ARL6: variants seen among roughly 807,000 people sequenced by gnomAD.
ARL6 encodes the protein ARF like GTPase 6.
Under a neutral mutation model 27.1 loss-of-function variants are expected in ARL6, and 18 were observed. The ratio of observed to expected loss-of-function variants is 0.66; its 90% CI spans 0.46 to 0.98. ARL6 has a LOEUF of 0.98. Ranked by LOEUF, ARL6 falls within the 50% of genes least tolerant of loss-of-function variation. The pLI is 0.00. For missense variants in ARL6, 187 were observed against 214.9 expected, an observed-to-expected ratio of 0.87 and a Z score of 0.81; for synonymous variants, 65 against 72.3, an observed-to-expected ratio of 0.90 and a Z score of 0.51.
In ARL6 at chr3:97,795,136, T is replaced by A. The variant is rs571658402; in HGVS notation, c.536-2888T>A. 2.6e-5 allele frequency among the ~76,000 whole-genome samples: 4 copies of A among 152,288 alleles called. No individual in the cohort carries two copies. In the East Asian group the frequency reaches 7.7e-4, roughly 29 times the overall value. On this transcript the variant is annotated intron_variant, in intron 7 of 7. Coordinates refer to ENST00000463745, the MANE Select transcript of ARL6 (RefSeq NM_001278293.3). ...TTTTGGTGAAATATTAAATGGCACATGTAATGGCACGATTCTGTTGTCTTT... is the reference window on the plus strand; with the variant it reads ...TTTTGGTGAAATATTAAATGGCACAAGTAATGGCACGATTCTGTTGTCTTT...
At chr3:97,785,445 AGTTTGTGTGT>A (rs1413274504) in intron 5 of ARL6, among the ~76,000 whole-genome samples, 1 of 114,500 alleles carries the variant, frequency 8.7e-6, no homozygotes, top group East Asian at 3.5e-4. Flanking sequence ...TGTGTATCTG[AGTTTGTGTGT>A]GTTTAATTAC....
Position 97,798,746 on chromosome 3 carries a change from A to C in ARL6, c.*697A>C, listed in dbSNP as rs948847015. The C allele has an allele frequency of 2.0e-5, 3 of 152,122 alleles. No homozygotes were observed. Among genetic ancestry groups the C allele is most frequent in the Non-Finnish European group, 4.4e-5 (3 of 67,968 alleles). 9.4% of individuals were successfully genotyped at this position (152,122 alleles called of 1,614,324 possible). A position where few individuals can be genotyped will look rare whatever the true frequency, so the allele number is the denominator to read the frequency against. On this transcript the variant is annotated 3_prime_UTR_variant, in exon 8 of 8. Coordinates refer to ENST00000463745, the MANE Select transcript of ARL6 (RefSeq NM_001278293.3). Reference sequence around the variant, plus strand: ...ATAAGACATATCCTTATCTTCAGAGAACTTAAAATTTAATGAGGGATAATT... The same window carrying C: ...ATAAGACATATCCTTATCTTCAGAGCACTTAAAATTTAATGAGGGATAATT...
At position 97,774,115 on chromosome 3, in the gene ARL6, C is replaced by T. The variant is rs533084941; in HGVS notation, c.123+5885C>T. 3.1e-4 allele frequency among the ~76,000 whole-genome samples: 47 copies of T among 152,268 alleles called. No homozygotes were observed. The South Asian group carries it at 4.1e-3, about 13-fold the overall frequency. On this transcript the variant is annotated intron_variant, in intron 2 of 7. Transcript: ENST00000463745. ...GATAGTCTGATTTCATCTTGATAGT[C>T]CCGGATAGTCACCCCAGCCAACACT...
chr3:97,789,901 C>G (rs1027992354), intron 6 of ARL6, among the ~76,000 whole-genome samples: 22 of 150,934 alleles, frequency 1.5e-4, no homozygotes, highest in Non-Finnish European at 4.4e-5. Context: ...AAGAGAAGAT[C>G]CTAGAGAAGT....
intron 6 of ARL6, among the ~76,000 whole-genome samples, chr3:97,788,947 C>T (rs1280539279): frequency 6.6e-6 from 1 of 152,058 alleles, no homozygotes; most frequent in East Asian, 1.9e-4. Flanking sequence ...GCCAGAGTTT[C>T]CCCCTTTTTA....
In ARL6 at chr3:97,768,152, G is replaced by A; in HGVS notation, c.45G>A (p.Lys15=). 1 of 1,613,150 alleles carries A rather than the reference G, an allele frequency of 6.2e-7. No homozygotes were observed. Among genetic ancestry groups the A allele is most frequent in the Non-Finnish European group, 8.5e-7 (1 of 1,179,226 alleles). Residue 15 remains lysine, a synonymous_variant, in exon 2 of 8, where the codon AAG becomes AAA. Transcript: ENST00000463745. ...TTTCAGTCTTGCTTGGCCTGAAGAA[G>A]AAGGAGGTTCATGTTTTGTGCCTTG... ...DRLSVLLGLK[K]KEVHVLCLGL...
At chr3:97,789,394 T>TAATAC (rs1216638279) in intron 6 of ARL6, among the ~76,000 whole-genome samples, 4 of 152,202 alleles carry the variant, frequency 2.6e-5, no homozygotes, top group Non-Finnish European at 5.9e-5. Context: ...ATTTCTGTGT[T>TAATAC]GTATTAAGTA....
rs751646756 is a variant in ARL6, at chr3:97,768,249, T to G, written c.123+19T>G. The G allele has an allele frequency of 6.2e-7, 1 of 1,610,410 alleles. No individual in the cohort carries two copies. ...TTCAAATGTAAGTATCTTTGTTAGA[T>G]GCTTTATGTATTTTCTGCTACTAAA... On this transcript the variant is annotated intron_variant, in intron 2 of 7. Transcript: ENST00000463745.
intron 3 of ARL6, 135 bp downstream of exon 3, chr3:97,780,355 C>T (rs2037129884): frequency 1.3e-6 from 1 of 765,270 alleles, no homozygotes; most frequent in Non-Finnish European, 2.1e-6. Flanking sequence ...GTGTTTCTAA[C>T]CACTATGGCT....
chr3:97,774,351 A>T (rs1474179766), intron 2 of ARL6, among the ~76,000 whole-genome samples: 1 of 148,040 alleles, frequency 6.8e-6, no homozygotes, highest in East Asian at 2.0e-4. Flanking sequence ...CCGGGATTCT[A>T]GAAGCAGGCG....
At chr3:97,776,726 G>C (rs902541276) in intron 2 of ARL6, among the ~76,000 whole-genome samples, 1 of 151,596 alleles carries the variant, frequency 6.6e-6, no homozygotes, top group African/African-American at 2.4e-5. Flanking sequence ...GCACAATCTT[G>C]GCTCATTGCA....
chr3:97,789,667 A>G (rs2037630118), intron 6 of ARL6, among the ~76,000 whole-genome samples: 1 of 152,104 alleles, frequency 6.6e-6, no homozygotes, highest in South Asian at 2.1e-4. Context: ...TATAATTGTG[A>G]CTTCTCCTTA....
intron 5 of ARL6, 23 bp from the exon 6 acceptor site, chr3:97,787,967 G>C: frequency 6.2e-6 from 10 of 1,612,374 alleles, no homozygotes; most frequent in Non-Finnish European, 7.6e-6. Context: ...GAAGTGTGAT[G>C]ATAATCTTAT....
chr3:97,767,220 A>G (rs1342120294), intron 1 of ARL6, among the ~76,000 whole-genome samples: 1 of 152,184 alleles, frequency 6.6e-6, no homozygotes, highest in Non-Finnish European at 1.5e-5. Flanking sequence ...GAAATTTTTA[A>G]GATACTTAAA....
intron 1 of ARL6, among the ~76,000 whole-genome samples, chr3:97,765,266 T>C (rs2036326082): frequency 6.7e-6 from 1 of 149,772 alleles, no homozygotes; most frequent in Admixed American, 6.6e-5. Context: ...GTAATTTAAA[T>C]TATATCATAA....
At position 97,791,811 on chromosome 3, in the gene ARL6, G is replaced by A. The variant is rs767838025; in HGVS notation, c.520G>A (p.Val174Ile). The change falls in exon 7 of 8, where the codon GTA becomes ATA. Residue 174 changes from valine (V) to isoleucine (I), a missense_variant. Physicochemically the swap from Val to Ile is conservative, Grantham distance 29. Coordinates refer to ENST00000463745, the MANE Select transcript of ARL6 (RefSeq NM_001278293.3). ...AAAAGGAGAAGGCTTGCAAGAAGGT[G>A]TAGACTGGCTTCAAGGTACATTACA... ...AIKGEGLQEG[V>I]DWLQDQIQTV... 2 of 1,613,688 alleles carry A rather than the reference G, an allele frequency of 1.2e-6. No individual in the cohort carries two copies. Among genetic ancestry groups the A allele is most frequent in the Non-Finnish European group, 1.7e-6 (2 of 1,179,736 alleles).
At chr3:97,787,866 TTC>T (rs1576465069) in intron 5 of ARL6, 122 bp from the exon 6 acceptor site, 1 of 955,482 alleles carries the variant, frequency 1.0e-6, no homozygotes, top group African/African-American at 1.6e-5. Flanking sequence ...CTTTAAATGT[TTC>T]TGTGTGTGTG....
At chr3:97,771,481 C>A (rs1487021169) in intron 2 of ARL6, among the ~76,000 whole-genome samples, 1 of 152,046 alleles carries the variant, frequency 6.6e-6, no homozygotes, top group Non-Finnish European at 1.5e-5. Context: ...TGAGTTATTT[C>A]TTTCCAATAC....
intron 5 of ARL6, among the ~76,000 whole-genome samples, chr3:97,787,486 T>G (rs905576027): frequency 1.3e-5 from 2 of 152,186 alleles, no homozygotes; most frequent in Non-Finnish European, 2.9e-5. Flanking sequence ...ATCTTCTGAA[T>G]TTTGAACTAT....
Sources: gnomAD v4.1 joint callset for allele counts (sites outside exome capture counted in the v4.1 genomes callset) on GRCh38, gnomAD v4.1.1 for gene constraint, MANE v1.5 for transcripts, NCBI Gene and HGNC (gene_info 2026-07-23, HGNC 2026-07-21) for gene names.